TMEM87A: variants seen among roughly 807,000 people sequenced by gnomAD.
The protein encoded by TMEM87A is transmembrane protein 87A.
Under a neutral mutation model 90.0 loss-of-function variants are expected in TMEM87A, and 50 were observed. The ratio of observed to expected loss-of-function variants is 0.56; its 90% confidence interval spans 0.44 to 0.70. The LOEUF is 0.70. Ranked by LOEUF, TMEM87A falls within the 30% of genes least tolerant of loss-of-function variation. TMEM87A has a pLI of 0.00. For synonymous variants in TMEM87A, 226 were observed against 226.7 expected (o/e 1.00, Z 0.03); for missense variants, 577 against 660.5 (o/e 0.87, Z 1.39).
At chr15:42,231,901 G>A (rs2050692048) in intron 11 of TMEM87A, 2 of 1,277,346 alleles carry the variant, frequency 1.6e-6, no homozygotes, top group Non-Finnish European at 2.0e-6. Context: ...TCAGAGTCAA[G>A]GGATAAGAAA....
chr15:42,254,323 C>T (rs1008920801), intron 6 of TMEM87A, among the ~76,000 whole-genome samples: 2 of 152,224 alleles, frequency 1.3e-5, no homozygotes, highest in African/African-American at 4.8e-5. Context: ...TAAACATACT[C>T]TTACCATACA....
chr15:42,244,709 C>T (rs914281322), intron 6 of TMEM87A, among the ~76,000 whole-genome samples: 1 of 145,550 alleles, frequency 6.9e-6, no homozygotes, highest in African/African-American at 2.5e-5. Flanking sequence ...AGAGTCACTA[C>T]CCCTCAAAGT....
At position 42,218,365 on chromosome 15, in the gene TMEM87A, A is replaced by G. The variant is rs1170917100; in HGVS notation, c.1553T>C (p.Leu518Ser). Residue 518 changes from leucine to serine, a missense_variant, in exon 18 of 20, where the codon TTG (leucine) becomes TCG (serine). Physicochemically the swap from Leu to Ser is moderately radical, Grantham distance 145 (BLOSUM62 -2). Coordinates refer to ENST00000389834, the MANE Select transcript of TMEM87A (RefSeq NM_015497.5). ...AGGAACATTCTCTTCTACCCACTTC[A>G]AATCATCTTCCTGCTGGGAACATAC... ...SKVNKAQEDD[L>S]KWVEENVPSS... The G allele has an allele frequency of 6.2e-7, 1 of 1,613,688 alleles. No homozygotes were observed. Among genetic ancestry groups the G allele is most frequent in the Non-Finnish European group, 8.5e-7 (1 of 1,179,836 alleles).
intron 6 of TMEM87A, chr15:42,257,970 A>C: frequency 1.0e-6 from 1 of 980,914 alleles, no homozygotes; most frequent in South Asian, 4.7e-5. Flanking sequence ...TTTACTTTTA[A>C]GTTATAGAAT....
At chr15:42,273,030 C>G in intron 1 of TMEM87A, 1 of 672,154 alleles carries the variant, frequency 1.5e-6, no homozygotes. Context: ...CTCCACCACT[C>G]CTTTCTGTTG....
chr15:42,215,785 G>C (rs1488315917), intron 19 of TMEM87A, among the ~76,000 whole-genome samples: 1 of 152,162 alleles, frequency 6.6e-6, no homozygotes, highest in African/African-American at 2.4e-5. Context: ...TGCATTGCTG[G>C]TGGAAATGTA....
At chr15:42,223,357 C>T (rs1246621843) in intron 15 of TMEM87A, among the ~76,000 whole-genome samples, 2 of 152,154 alleles carry the variant, frequency 1.3e-5, no homozygotes, top group African/African-American at 2.4e-5. Flanking sequence ...TGCTCCACTA[C>T]ACTCCAGCCT....
chr15:42,239,566 T>C (rs952489689), intron 8 of TMEM87A, 104 bp downstream of exon 8: 17 of 966,274 alleles, frequency 1.8e-5, no homozygotes, highest in Non-Finnish European at 2.6e-5. Context: ...TTTTCTGAAT[T>C]GCACAGGAAC....
chr15:42,249,727 T>G (rs1048352262), intron 6 of TMEM87A, among the ~76,000 whole-genome samples: 6 of 152,336 alleles, frequency 3.9e-5, no homozygotes, highest in South Asian at 2.1e-4. Flanking sequence ...TGTGATGTGG[T>G]GCTGAGAAGA....
chr15:42,273,212 C>T (rs753382605), intron 1 of TMEM87A, 43 bp downstream of exon 1: 11 of 1,610,146 alleles, frequency 6.8e-6, no homozygotes, highest in Middle Eastern at 1.7e-4. Context: ...TAGCCCCACC[C>T]CTTGCTCCTC....
intron 7 of TMEM87A, among the ~76,000 whole-genome samples, chr15:42,242,999 G>A (rs1008480372): frequency 1.8e-4 from 27 of 152,180 alleles, no homozygotes; most frequent in African/African-American, 6.5e-4. Flanking sequence ...AGGCACGGCG[G>A]CTCACCCCTG....
intron 2 of TMEM87A, among the ~76,000 whole-genome samples, chr15:42,268,802 A>G (rs879656153): frequency 6.6e-6 from 1 of 152,264 alleles, no homozygotes; most frequent in Non-Finnish European, 1.5e-5. Flanking sequence ...TGAAGAGACA[A>G]GCAATAATAA....
intron 2 of TMEM87A, among the ~76,000 whole-genome samples, chr15:42,269,694 T>G (rs983003824): frequency 4.6e-5 from 7 of 151,916 alleles, no homozygotes; most frequent in African/African-American, 1.2e-4. Context: ...CCCAGCACTT[T>G]GGGAGGCCGA....
intron 11 of TMEM87A, chr15:42,231,956 G>A (rs751234335): frequency 1.8e-6 from 2 of 1,133,412 alleles, no homozygotes; most frequent in Admixed American, 2.6e-5. Context: ...ATTGACAGAG[G>A]GTTAAAGTTG....
At chr15:42,257,192 A>G (rs1396105075) in intron 6 of TMEM87A, among the ~76,000 whole-genome samples, 2 of 151,956 alleles carry the variant, frequency 1.3e-5, no homozygotes, top group African/African-American at 4.8e-5. Context: ...TTGATCCCCA[A>G]TGTTTGAGGT....
intron 4 of TMEM87A, among the ~76,000 whole-genome samples, chr15:42,261,929 C>T (rs559977388): frequency 5.3e-5 from 8 of 152,276 alleles, no homozygotes; most frequent in South Asian, 2.1e-4. Context: ...CCACCGCGCC[C>T]GGCCTAAACC....
At chr15:42,232,919 T>C (rs1399543157) in intron 11 of TMEM87A, 1 of 192,830 alleles carries the variant, frequency 5.2e-6, no homozygotes, top group Admixed American at 5.9e-5. Context: ...TCAGTCTGGA[T>C]TCCATTGATT....
At chr15:42,256,487 A>G (rs2051187408) in intron 6 of TMEM87A, among the ~76,000 whole-genome samples, 1 of 152,212 alleles carries the variant, frequency 6.6e-6, no homozygotes, top group Admixed American at 6.5e-5. Context: ...AATTTTCAGG[A>G]AGAAAGATCA....
upstream of TMEM87A, chr15:42,273,558 T>G: frequency 4.6e-6 from 6 of 1,307,656 alleles, no homozygotes; most frequent in Non-Finnish European, 5.1e-6. Flanking sequence ...GACAGTCGTC[T>G]GTGCGCCGTG....
Sources: allele counts gnomAD v4.1 joint callset (sites outside exome capture counted in the v4.1 genomes callset), GRCh38; gene constraint gnomAD v4.1.1; transcripts MANE v1.5; gene names NCBI Gene and HGNC (gene_info 2026-07-23, HGNC 2026-07-21).